Variants in CA10 observed in about 807,000 individuals in gnomAD.
CA10 encodes carbonic anhydrase 10 (inactive).
Under a neutral mutation model 44.2 loss-of-function variants are expected in CA10, and 14 were observed. That is an observed-to-expected ratio of 0.32 (90% CI 0.21 to 0.50). The LOEUF (loss-of-function observed/expected upper bound fraction) is 0.50, where lower values mean the gene tolerates loss of function less well. Among genes scored for constraint, CA10 ranks in the 20% least tolerant of loss-of-function variants. The probability of loss-of-function intolerance (pLI) is 0.99; values close to 1 mark genes in which losing one functional copy is unlikely to be tolerated. For missense variants in CA10, 350 were observed against 409.7 expected, an observed-to-expected ratio of 0.85 and a Z score of 1.26; for synonymous variants, 159 against 141.6, an observed-to-expected ratio of 1.12 and a Z score of -0.87.
At chr17:51,831,091 C>A (rs1402745981) in intron 3 of CA10, among the ~76,000 whole-genome samples, 1 of 152,162 alleles carries the variant, frequency 6.6e-6, no homozygotes, top group Non-Finnish European at 1.5e-5. Flanking sequence ...ACGGAAGAGG[C>A]TGCTACTTCT....
chr17:51,730,548 T>C (rs1357620748), intron 4 of CA10, among the ~76,000 whole-genome samples: 1 of 152,222 alleles, frequency 6.6e-6, no homozygotes, highest in Non-Finnish European at 1.5e-5. Flanking sequence ...AAGAAAGTAG[T>C]GGTTTTGTAA....
rs1415555046 is a variant in CA10 at position 51,769,514 on chromosome 17, G to C, written c.280-21696C>G. Among the ~76,000 whole-genome samples the C allele has an allele frequency of 3.9e-5, 6 of 152,146 alleles. No individual in the cohort carries two copies. In the East Asian group the frequency reaches 9.6e-4, roughly 24 times the overall value. On this transcript the variant is annotated intron_variant, in intron 3 of 8. Coordinates refer to ENST00000451037, the MANE Select transcript of CA10 (RefSeq NM_020178.5). ...GGGGTGATGGGGAGTGGGTTAAAGG[G>C]TACTCAGAAACATTTCTGGGAAGGA... is the stretch of plus-strand genomic sequence containing the variant.
intron 2 of CA10, among the ~76,000 whole-genome samples, chr17:51,947,288 G>A (rs1020177415): frequency 2.8e-5 from 4 of 141,692 alleles, no homozygotes; most frequent in African/African-American, 1.0e-4. Context: ...CTTTATTTGT[G>A]TACTGTAAAA....
intron 3 of CA10, among the ~76,000 whole-genome samples, chr17:51,787,295 T>C (rs911111746): frequency 9.2e-5 from 14 of 152,180 alleles, no homozygotes; most frequent in Non-Finnish European, 2.1e-4. Context: ...CTTTCAACTA[T>C]GGCTTTTATC....
At chr17:51,873,439 A>G (rs1243498034) in intron 3 of CA10, among the ~76,000 whole-genome samples, 2 of 152,208 alleles carry the variant, frequency 1.3e-5, no homozygotes, top group Middle Eastern at 3.2e-3. Context: ...CAATCGTTCT[A>G]TCATCCTGAT....
rs72830534 is a variant in CA10 at position 51,640,107 on chromosome 17, C to T, written c.635-4098G>A. On this transcript the variant is annotated intron_variant, in intron 6 of 8. Coordinates refer to ENST00000451037, the MANE Select transcript of CA10 (RefSeq NM_020178.5). ...TTATTTGCCTATTTGACTGTCCCTG[C>T]TAAGCTGTGAGCCTTCAGGGGAAGG... 5.2e-3 allele frequency among the ~76,000 whole-genome samples: 794 copies of T among 152,310 alleles called. 5 individuals are homozygous for T. Among genetic ancestry groups the T allele is most frequent in the Middle Eastern group, 6.8e-3 (2 of 294 alleles).
chr17:52,121,426 G>T (rs930620749), intron 1 of CA10, among the ~76,000 whole-genome samples: 1 of 152,136 alleles, frequency 6.6e-6, no homozygotes, highest in African/African-American at 2.4e-5. Context: ...AAAGACTTCT[G>T]CTTAGCATGC....
chr17:51,874,544 C>A (rs989907066), intron 3 of CA10, among the ~76,000 whole-genome samples: 1 of 152,002 alleles, frequency 6.6e-6, no homozygotes, highest in African/African-American at 2.4e-5. Flanking sequence ...AGCCTCTGAC[C>A]ACATGCACCA....
intron 2 of CA10, among the ~76,000 whole-genome samples, chr17:52,047,339 G>A (rs1200929212): frequency 2.0e-5 from 3 of 151,896 alleles, no homozygotes; most frequent in Admixed American, 2.0e-4. Context: ...GGAACATTTT[G>A]GGATCATAAA....
At chr17:52,101,278 T>C (rs2075700946) in intron 1 of CA10, among the ~76,000 whole-genome samples, 1 of 152,242 alleles carries the variant, frequency 6.6e-6, no homozygotes, top group African/African-American at 2.4e-5. Flanking sequence ...TTCATGAGCA[T>C]GTACACAATT....
intron 6 of CA10, among the ~76,000 whole-genome samples, chr17:51,636,636 A>G (rs1326757303): frequency 2.0e-5 from 3 of 152,174 alleles, no homozygotes; most frequent in Non-Finnish European, 4.4e-5. Flanking sequence ...ATGGACAATT[A>G]AAGCTTCTAG....
chr17:51,881,216 G>T (rs146949271), intron 3 of CA10, among the ~76,000 whole-genome samples: 2,662 of 147,998 alleles, frequency 0.018, 44 homozygotes, highest in South Asian at 0.064. Flanking sequence ...CTCCAGCCTG[G>T]GCGACAGAGC....
intron 4 of CA10, among the ~76,000 whole-genome samples, chr17:51,658,371 C>G (rs986423881): frequency 2.6e-5 from 4 of 152,158 alleles, no homozygotes; most frequent in African/African-American, 9.7e-5. Context: ...GGAAACAAAA[C>G]AAGATTTTGA....
intron 3 of CA10, among the ~76,000 whole-genome samples, chr17:51,807,797 A>C (rs558959531): frequency 2.0e-5 from 3 of 152,372 alleles, no homozygotes; most frequent in African/African-American, 4.8e-5. Context: ...CACTTATGTG[A>C]AATTCAAGAA....
At position 51,922,123 on chromosome 17, in the gene CA10, T is replaced by C. The variant is rs531384512; in HGVS notation, c.279+8867A>G. Reference sequence around the variant, plus strand: ...TTGATAACTTGCATTATTACCTGCCTACTAAGTGCATTTTTTCATATAATT... The same window carrying C: ...TTGATAACTTGCATTATTACCTGCCCACTAAGTGCATTTTTTCATATAATT... On this transcript the variant is annotated intron_variant, in intron 3 of 8. Coordinates refer to ENST00000451037, the MANE Select transcript of CA10 (RefSeq NM_020178.5). Among the ~76,000 whole-genome samples, 16 of 152,322 alleles carry C rather than the reference T, an allele frequency of 1.1e-4. No individual in the cohort carries two copies. The East Asian group carries it at 2.9e-3, about 28-fold the overall frequency.
intron 3 of CA10, among the ~76,000 whole-genome samples, chr17:51,901,230 G>T (rs1981301234): frequency 2.0e-5 from 3 of 151,998 alleles, no homozygotes; most frequent in South Asian, 2.1e-4. Context: ...TTTGATTGCG[G>T]TATAAAGTGG....
At chr17:51,695,469 G>C (rs1915369826) in intron 4 of CA10, among the ~76,000 whole-genome samples, 1 of 152,116 alleles carries the variant, frequency 6.6e-6, no homozygotes, top group African/African-American at 2.4e-5. Flanking sequence ...TTGACTCTCA[G>C]CTTGAATGTT....
intron 2 of CA10, among the ~76,000 whole-genome samples, chr17:51,937,968 A>T (rs1266450410): frequency 6.6e-6 from 1 of 152,132 alleles, no homozygotes; most frequent in Admixed American, 6.6e-5. Flanking sequence ...ACTAAGATGG[A>T]TTATCACCGG....
chr17:52,110,285 T>C (rs897063688), intron 1 of CA10, among the ~76,000 whole-genome samples: 1 of 152,234 alleles, frequency 6.6e-6, no homozygotes, highest in African/African-American at 2.4e-5. Flanking sequence ...GGAGCAGGTA[T>C]GATCACGTGC....
Sources: gnomAD v4.1 joint callset for allele counts (sites outside exome capture counted in the v4.1 genomes callset) on GRCh38, gnomAD v4.1.1 for gene constraint, MANE v1.5 for transcripts, NCBI Gene and HGNC (gene_info 2026-07-23, HGNC 2026-07-21) for gene names.